Variants in PDS5A observed in about 807,000 individuals in gnomAD.
PDS5A encodes PDS5 cohesin associated factor A.
PDS5A carries 42 observed loss-of-function variants against 167.1 expected under a neutral mutation model. The ratio of observed to expected loss-of-function variants is 0.25; its 90% confidence interval spans 0.20 to 0.33. The LOEUF is 0.33. Among genes scored for constraint, PDS5A ranks in the 10% least tolerant of loss-of-function variants. PDS5A has a pLI of 1.00. For synonymous variants in PDS5A, 553 were observed against 554.6 expected (o/e 1.00, Z 0.04); for missense variants, 1,033 against 1,605.9 (o/e 0.64, Z 6.10).
intron 7 of PDS5A, among the ~76,000 whole-genome samples, 184 bp from the exon 8 acceptor site, chr4:39,917,372 T>C (rs752912393): frequency 2.6e-5 from 4 of 152,082 alleles, no homozygotes; most frequent in African/African-American, 7.2e-5. Flanking sequence ...GCAGAAGAAA[T>C]AATTTCCTAA....
intron 2 of PDS5A, among the ~76,000 whole-genome samples, chr4:39,935,744 G>A (rs555611494): frequency 2.6e-5 from 4 of 152,262 alleles, no homozygotes; most frequent in Admixed American, 1.3e-4. Context: ...GAAAAGATCT[G>A]AACAGACTTA....
chr4:39,879,243 G>A (rs1578656912), intron 18 of PDS5A, among the ~76,000 whole-genome samples: 2 of 152,008 alleles, frequency 1.3e-5, no homozygotes, highest in South Asian at 2.1e-4. Context: ...TTAAAAGCCC[G>A]TGACACTACC....
chr4:39,913,797 C>T, intron 8 of PDS5A, 71 bp from the exon 9 acceptor site: 2 of 833,162 alleles, frequency 2.4e-6, no homozygotes, highest in Non-Finnish European at 2.1e-6. Context: ...TTGAAACATT[C>T]TCAAGAAGAT....
Position 39,831,983 on chromosome 4 carries a change from G to A in PDS5A, c.4010+5873C>T, listed in dbSNP as rs548871143. ...ACAAAAATTAGCCGGGTGTGGTGGC[G>A]CACATCTGCAGTCCCAGCTGCTCCG... On this transcript the variant is annotated intron_variant, in intron 32 of 32. Transcript: ENST00000303538. Among the ~76,000 whole-genome samples the A allele has an allele frequency of 4.7e-5, 7 of 149,660 alleles. No homozygotes were observed. In the South Asian group the frequency reaches 1.3e-3, roughly 28 times the overall value.
intron 2 of PDS5A, among the ~76,000 whole-genome samples, chr4:39,946,629 C>CA (rs1354098732): frequency 1.3e-5 from 2 of 152,018 alleles, no homozygotes; most frequent in African/African-American, 2.4e-5. Context: ...AAATAAAACC[C>CA]ATTGGCCAGG....
At chr4:39,922,530 T>C in intron 6 of PDS5A, 92 bp downstream of exon 6, 15 of 1,109,720 alleles carry the variant, frequency 1.4e-5, no homozygotes, top group Non-Finnish European at 1.8e-5. Context: ...AACAATTACA[T>C]GGGATTGCAA....
At chr4:39,888,915 G>C (rs1721728554) in intron 17 of PDS5A, among the ~76,000 whole-genome samples, 1 of 152,114 alleles carries the variant, frequency 6.6e-6, no homozygotes, top group Admixed American at 6.5e-5. Flanking sequence ...GCATAAAGAT[G>C]AATATTTAAG....
intron 11 of PDS5A, among the ~76,000 whole-genome samples, chr4:39,907,476 G>T (rs906742717): frequency 6.6e-5 from 10 of 151,980 alleles, no homozygotes; most frequent in African/African-American, 2.4e-4. Flanking sequence ...TGCTAGAAAT[G>T]TTAGGCCTAA....
intron 2 of PDS5A, among the ~76,000 whole-genome samples, chr4:39,972,825 TA>T (rs1371987900): frequency 1.3e-5 from 2 of 152,130 alleles, no homozygotes; most frequent in African/African-American, 4.8e-5. Flanking sequence ...AGGAATGCTT[TA>T]AATTTTTGTA....
At chr4:39,895,032 C>G (rs990109978) in intron 16 of PDS5A, among the ~76,000 whole-genome samples, 3 of 151,970 alleles carry the variant, frequency 2.0e-5, no homozygotes, top group African/African-American at 7.2e-5. Flanking sequence ...TCGAGATCAT[C>G]CTGGCTAACA....
intron 7 of PDS5A, among the ~76,000 whole-genome samples, chr4:39,917,661 A>G (rs970442414): frequency 6.6e-6 from 1 of 151,398 alleles, no homozygotes; most frequent in Non-Finnish European, 1.5e-5. Flanking sequence ...TGCAACTTCC[A>G]CCTCCGAGGT....
intron 27 of PDS5A, 106 bp downstream of exon 27, chr4:39,849,414 A>C: frequency 1.5e-5 from 11 of 728,476 alleles, no homozygotes; most frequent in African/African-American, 1.8e-5. Context: ...TAAACATTCT[A>C]AAATTTAAAT....
intron 2 of PDS5A, among the ~76,000 whole-genome samples, chr4:39,963,739 G>A (rs1372614789): frequency 1.3e-5 from 2 of 152,010 alleles, no homozygotes. Context: ...GCCTGAGGTA[G>A]GAGGATCACC....
rs1316119229 is a variant in PDS5A, at chr4:39,976,325, AG to A, written c.138+114del. On this transcript the variant is annotated intron_variant, in intron 2 of 32. Transcript: ENST00000303538. ...TCTGAGATACAACAGTACCTTTCAG[AG>A]GGGGTAAGAGATCTAAAAAACTTGG... is the stretch of plus-strand genomic sequence containing the variant. The A allele has an allele frequency of 2.4e-5, 17 of 702,686 alleles. No individual in the cohort carries two copies. The South Asian group carries it at 2.9e-4, about 12-fold the overall frequency. The allele number at this position is 702,686 out of a possible 1,614,324, so 43.5% of individuals were successfully genotyped here.
At position 39,874,179 on chromosome 4, in the gene PDS5A, A is replaced by T. The variant is rs185754409; in HGVS notation, c.2277+110T>A. The T allele has an allele frequency of 6.3e-6, 5 of 797,722 alleles. No individual in the cohort carries two copies. In the African/African-American group the frequency reaches 8.6e-5, roughly 14 times the overall value. 49.4% of individuals were successfully genotyped at this position (797,722 alleles called of 1,614,324 possible). ...TTGCTCACAAGGAATTTATAGTCTA[A>T]GGTAGGACTTCATATAAACAGCTTT... On this transcript the variant is annotated intron_variant, in intron 20 of 32. Transcript: ENST00000303538.
rs995024814 is a variant in PDS5A, at chr4:39,910,459, G to A, written c.993-121C>T. ...AGTTACTGATTAGAAAATTTGTTATGAGCTAAGGTATTCTGAAGGAAGAAT... is the reference window on the plus strand; with the variant it reads ...AGTTACTGATTAGAAAATTTGTTATAAGCTAAGGTATTCTGAAGGAAGAAT... On this transcript the variant is annotated intron_variant, in intron 9 of 32. Transcript: ENST00000303538. 3.4e-5 allele frequency: 20 copies of A among 592,352 alleles called. No individual in the cohort carries two copies. The Admixed American group carries it at 5.3e-4, about 16-fold the overall frequency. 36.7% of individuals were successfully genotyped at this position (592,352 alleles called of 1,614,324 possible).
chr4:39,922,054 G>C (rs1045208124), intron 6 of PDS5A, among the ~76,000 whole-genome samples: 2 of 152,204 alleles, frequency 1.3e-5, no homozygotes, highest in Non-Finnish European at 2.9e-5. Flanking sequence ...GTAGGCCTGA[G>C]TAGAGCCCAG....
rs528429127 is a variant in PDS5A at position 39,926,449 on chromosome 4, C to T, written c.429+326G>A. On this transcript the variant is annotated intron_variant, in intron 4 of 32. Transcript: ENST00000303538. Reference sequence around the variant, plus strand: ...AGAAGAATTGCTTGAACCTGGGAGGCGGAGGTTGTGGTGAGCTGAGATCAC... The same window carrying T: ...AGAAGAATTGCTTGAACCTGGGAGGTGGAGGTTGTGGTGAGCTGAGATCAC... Among the ~76,000 whole-genome samples the T allele has an allele frequency of 1.4e-4, 21 of 147,830 alleles. No individual in the cohort carries two copies. In the South Asian group the frequency reaches 4.1e-3, roughly 29 times the overall value.
chr4:39,890,416 G>GA (rs985901012), intron 16 of PDS5A, 52 bp from the exon 17 acceptor site: 103 of 996,918 alleles, frequency 1.0e-4, no homozygotes, highest in Non-Finnish European at 1.5e-4. Flanking sequence ...TCATATTTTT[G>GA]AAAAGAAAAA....
Sources: gnomAD v4.1 joint callset for allele counts (sites outside exome capture counted in the v4.1 genomes callset) on GRCh38, gnomAD v4.1.1 for gene constraint, MANE v1.5 for transcripts, NCBI Gene and HGNC (gene_info 2026-07-23, HGNC 2026-07-21) for gene names.